The following ANKRD55 variants were observed in gnomAD, a reference collection of about 807,000 sequenced individuals.
ANKRD55 encodes the protein ankyrin repeat domain-containing protein 55.
In ANKRD55, 41 loss-of-function variants were observed where a neutral mutation model predicts 60.6. The ratio of observed to expected loss-of-function variants is 0.68; its 90% CI spans 0.53 to 0.88. The LOEUF (loss-of-function observed/expected upper bound fraction) is 0.88. ANKRD55 is among the 40% of genes least tolerant of loss of function. ANKRD55 has a pLI of 0.00. For synonymous variants in ANKRD55, 264 were observed against 290.3 expected, an observed-to-expected ratio of 0.91 and a Z score of 0.92; for missense variants, 732 against 767.6, an observed-to-expected ratio of 0.95 and a Z score of 0.55.
Position 56,112,511 on chromosome 5 carries a change from A to AAAAAAAAAAAAAAAAAAAAAAAAAAAC in ANKRD55, c.966-730_966-729insGTTTTTTTTTTTTTTTTTTTTTTTTTT. On this transcript the variant is annotated intron_variant, in intron 9 of 11. Coordinates refer to ENST00000341048, the MANE Select transcript of ANKRD55 (RefSeq NM_024669.3). ...GCAGGATCTCATCTCTAGCAAAAAAAAAAAAAAAAAACAACCAAGGAAAGA... is the reference window on the plus strand; with the variant it reads ...GCAGGATCTCATCTCTAGCAAAAAAAAAAAAAAAAAAAAAAAAAAAAAAAAACAAAAAAAAAAACAACCAAGGAAAGA... Among the ~76,000 whole-genome samples the AAAAAAAAAAAAAAAAAAAAAAAAAAAC allele has an allele frequency of 2.2e-4, 18 of 81,512 alleles. 1 individual carries two copies. Among genetic ancestry groups the AAAAAAAAAAAAAAAAAAAAAAAAAAAC allele is most frequent in the African/African-American group, 8.1e-4 (15 of 18,522 alleles). 53.5% of individuals were successfully genotyped at this position (81,512 alleles called of 152,430 possible).
intron 2 of ANKRD55, among the ~76,000 whole-genome samples, chr5:56,200,298 A>G (rs1363896050): frequency 6.6e-6 from 1 of 152,194 alleles, no homozygotes; most frequent in Non-Finnish European, 1.5e-5. Flanking sequence ...GACCTTTATA[A>G]ATACTCTAGT....
intron 2 of ANKRD55, among the ~76,000 whole-genome samples, chr5:56,215,159 A>G (rs946585291): frequency 3.3e-5 from 5 of 152,086 alleles, no homozygotes; most frequent in African/African-American, 1.2e-4. Flanking sequence ...TCTCTTGGAG[A>G]AAGGTCCACT....
At chr5:56,191,284 A>C (rs1238922011) in intron 2 of ANKRD55, among the ~76,000 whole-genome samples, 1 of 152,186 alleles carries the variant, frequency 6.6e-6, no homozygotes, top group Non-Finnish European at 1.5e-5. Context: ...GAATCTGTAG[A>C]TTGCTTTGTG....
At chr5:56,223,247 CA>C (rs1338141870) in intron 2 of ANKRD55, among the ~76,000 whole-genome samples, 2 of 152,078 alleles carry the variant, frequency 1.3e-5, no homozygotes, top group African/African-American at 4.8e-5. Flanking sequence ...CATATCCAGC[CA>C]AACTAAGCTT....
At chr5:56,160,738 A>G (rs1475110402) in intron 5 of ANKRD55, 1 of 152,270 alleles carries the variant, frequency 6.6e-6, no homozygotes, top group Non-Finnish European at 1.5e-5. Flanking sequence ...ACAAGATGAC[A>G]GTAATCAGTG....
intron 2 of ANKRD55, among the ~76,000 whole-genome samples, chr5:56,209,466 CTT>C (rs60256412): frequency 0.29 from 38,289 of 131,838 alleles, 6,019 homozygotes; most frequent in African/African-American, 0.55. Flanking sequence ...ACATGTATAT[CTT>C]TTTTTTTTTT....
In ANKRD55 at chr5:56,100,094, G is replaced by T; in HGVS notation, c.*89C>A. The T allele has an allele frequency of 6.4e-7, 1 of 1,552,574 alleles. No homozygotes were observed. Among genetic ancestry groups the T allele is most frequent in the Non-Finnish European group, 8.8e-7 (1 of 1,130,298 alleles). ...CTTATAGAATGCAGCTTACTAAATT[G>T]GTCTTCGTTCTTACAAACTGGAGTA... On this transcript the variant is annotated 3_prime_UTR_variant, in exon 12 of 12. Coordinates refer to ENST00000341048, the MANE Select transcript of ANKRD55 (RefSeq NM_024669.3).
In ANKRD55 at chr5:56,111,316, C is replaced by A. The variant is rs201200897; in HGVS notation, c.1432G>T (p.Asp478Tyr). 6.8e-5 allele frequency: 109 copies of A among 1,614,014 alleles called. No homozygotes were observed. Among genetic ancestry groups the A allele is most frequent in the Non-Finnish European group, 9.2e-5 (108 of 1,180,034 alleles). Residue 478 changes from aspartate (D) to tyrosine (Y), a missense_variant, in exon 10 of 12, where the codon GAT (aspartate) becomes TAT (tyrosine). Asp to Tyr is a radical substitution (Grantham distance 160). Transcript: ENST00000341048. ...CAGCCAGTTCTGTTATTTAATAAAT[C>A]CTGCTCACTTCGACTTTTCTGAGAT... is the stretch of plus-strand genomic sequence containing the variant. ...QRSQKSRSEQDLLNNRTGCQM... is the reference protein window; with the variant it reads ...QRSQKSRSEQYLLNNRTGCQM...
chr5:56,157,595 G>A (rs557009344), intron 6 of ANKRD55, among the ~76,000 whole-genome samples: 10 of 152,320 alleles, frequency 6.6e-5, no homozygotes, highest in African/African-American at 2.4e-4. Flanking sequence ...GATGAGACAC[G>A]CTGGCGGCAA....
At chr5:56,132,272 A>C (rs1169217827) in intron 7 of ANKRD55, among the ~76,000 whole-genome samples, 1 of 152,084 alleles carries the variant, frequency 6.6e-6, no homozygotes, top group Non-Finnish European at 1.5e-5. Context: ...GAGAAAATAG[A>C]ATAATACAAA....
intron 2 of ANKRD55, among the ~76,000 whole-genome samples, chr5:56,207,904 AT>A (rs945164946): frequency 1.3e-5 from 2 of 152,136 alleles, no homozygotes; most frequent in Non-Finnish European, 2.9e-5. Flanking sequence ...TTACTATAAC[AT>A]TTTTACTCTA....
At chr5:56,170,109 CT>C (rs1449220510) in intron 5 of ANKRD55, among the ~76,000 whole-genome samples, 3 of 152,308 alleles carry the variant, frequency 2.0e-5, no homozygotes, top group Non-Finnish European at 4.4e-5. Flanking sequence ...TTCTAACCCC[CT>C]GATCTCCCTG....
chr5:56,143,682 G>A (rs1347307650), intron 7 of ANKRD55, 119 bp downstream of exon 7: 2 of 1,401,370 alleles, frequency 1.4e-6, no homozygotes, highest in Non-Finnish European at 2.0e-6. Flanking sequence ...TTTTCAACAA[G>A]TGGTGGAGCT....
intron 6 of ANKRD55, among the ~76,000 whole-genome samples, chr5:56,145,832 AT>A (rs1757882996): frequency 6.6e-6 from 1 of 152,208 alleles, no homozygotes; most frequent in African/African-American, 2.4e-5. Flanking sequence ...TCTTGAGGAT[AT>A]TTCAAGAAAT....
intron 2 of ANKRD55, among the ~76,000 whole-genome samples, chr5:56,185,781 G>A (rs952095008): frequency 5.3e-5 from 8 of 152,058 alleles, no homozygotes; most frequent in Non-Finnish European, 1.2e-4. Context: ...TTGATCTTTC[G>A]TTGGCAGTGG....
At position 56,133,426 on chromosome 5, in the gene ANKRD55, A is replaced by AG. The variant is rs377205284; in HGVS notation, c.613-6321_613-6320insC. On this transcript the variant is annotated intron_variant, in intron 7 of 11. Coordinates refer to ENST00000341048, the MANE Select transcript of ANKRD55 (RefSeq NM_024669.3). Reference sequence around the variant, plus strand: ...TGCACTCCAGCCTGGGTGACAGAGGAAGACTCCGTCTCAAAAAAAAAAAAA... The same window carrying AG: ...TGCACTCCAGCCTGGGTGACAGAGGAGAGACTCCGTCTCAAAAAAAAAAAAA... Among the ~76,000 whole-genome samples, 12 of 41,872 alleles carry AG rather than the reference A, an allele frequency of 2.9e-4. 2 individuals carry two copies. The highest frequency in any genetic ancestry group is 7.3e-4 in the South Asian group (1 of 1,362). The allele number at this position is 41,872 out of a possible 152,430, so 27.5% of individuals were successfully genotyped here.
intron 9 of ANKRD55, among the ~76,000 whole-genome samples, chr5:56,112,707 A>T (rs1362569494): frequency 1.3e-5 from 2 of 152,074 alleles, no homozygotes; most frequent in East Asian, 3.8e-4. Flanking sequence ...TCCTTAGAAA[A>T]TTCTGTGTGA....
intron 6 of ANKRD55, 152 bp from the exon 7 acceptor site, chr5:56,144,081 C>T: frequency 9.5e-7 from 1 of 1,057,178 alleles, no homozygotes; most frequent in South Asian, 1.5e-5. Flanking sequence ...TCCATTCATT[C>T]CATAGATGTT....
intron 2 of ANKRD55, among the ~76,000 whole-genome samples, chr5:56,222,688 G>A (rs533970215): frequency 2.0e-5 from 3 of 152,280 alleles, no homozygotes; most frequent in South Asian, 4.1e-4. Context: ...ACCAAGGCAC[G>A]AGAACTATGT....
Sources: gnomAD v4.1 joint callset for allele counts (sites outside exome capture counted in the v4.1 genomes callset) on GRCh38, gnomAD v4.1.1 for gene constraint, MANE v1.5 for transcripts, NCBI Gene and HGNC (gene_info 2026-07-23, HGNC 2026-07-21) for gene names.